ATRNL1: variants seen among roughly 807,000 people sequenced by gnomAD.
ATRNL1 encodes the protein attractin-like protein 1.
In ATRNL1, 95 loss-of-function variants were observed where a neutral mutation model predicts 182.7. The ratio of observed to expected loss-of-function variants is 0.52; its 90% CI spans 0.44 to 0.62. The LOEUF (loss-of-function observed/expected upper bound fraction) is 0.62, where lower values mean the gene tolerates loss of function less well. ATRNL1 is among the 20% of genes least tolerant of loss of function. The pLI, the probability that ATRNL1 is intolerant of heterozygous loss-of-function variation, is 0.00. For synonymous variants in ATRNL1, 576 were observed against 568.3 expected (o/e 1.01, Z -0.19); for missense variants, 1,471 against 1,679.5 (o/e 0.88, Z 2.17).
At chr10:115,280,222 C>T (rs1203452618) in intron 13 of ATRNL1, among the ~76,000 whole-genome samples, 1 of 152,106 alleles carries the variant, frequency 6.6e-6, no homozygotes, top group African/African-American at 2.4e-5. Flanking sequence ...AGATATTGCT[C>T]TTAGAACATC....
At chr10:115,520,258 A>C (rs534645421) in intron 25 of ATRNL1, among the ~76,000 whole-genome samples, 1 of 152,314 alleles carries the variant, frequency 6.6e-6, no homozygotes, top group African/African-American at 2.4e-5. Flanking sequence ...ATGTATTTGG[A>C]ACTTGTCTAA....
At chr10:115,869,043 A>G (rs1034506722) in intron 28 of ATRNL1, among the ~76,000 whole-genome samples, 13 of 151,420 alleles carry the variant, frequency 8.6e-5, no homozygotes, top group Admixed American at 6.6e-4. Flanking sequence ...GTTGGCCAGG[A>G]TTGTCTTGAT....
chr10:115,946,871 C>CA lies in ATRNL1; in HGVS notation c.*2097dup, dbSNP rs1441451693. The CA allele has an allele frequency of 6.6e-6, 1 of 152,074 alleles. No individual in the cohort carries two copies. Among genetic ancestry groups the CA allele is most frequent in the Non-Finnish European group, 1.5e-5 (1 of 67,990 alleles). The allele number at this position is 152,074 out of a possible 1,614,324, so 9.4% of individuals were successfully genotyped here. ...AAGAGAAAGCATAACAATAAAAATA[C>CA]AAAAACATACAGATTTAGATGTAAA... On this transcript the variant is annotated 3_prime_UTR_variant, in exon 29 of 29. Transcript: ENST00000355044.
At chr10:115,537,016 C>T (rs1852067850) in intron 25 of ATRNL1, among the ~76,000 whole-genome samples, 1 of 152,184 alleles carries the variant, frequency 6.6e-6, no homozygotes, top group Admixed American at 6.5e-5. Context: ...ATGGAAATGA[C>T]ACCTGAAGAT....
rs148403156 is a variant in ATRNL1, at chr10:115,778,030, G to A, written c.3903+50675G>A. ...AAGACAAAACACAATTGAATAAAGA[G>A]TAATGTTCAGGGGCCGGACTTTCTT... On this transcript the variant is annotated intron_variant, in intron 27 of 28. Coordinates refer to ENST00000355044, the MANE Select transcript of ATRNL1 (RefSeq NM_207303.4). 1.5e-4 allele frequency among the ~76,000 whole-genome samples: 23 copies of A among 152,270 alleles called. No homozygotes were observed. The East Asian group carries it at 4.0e-3, about 27-fold the overall frequency.
At chr10:115,705,082 G>A (rs1323802330) in intron 26 of ATRNL1, among the ~76,000 whole-genome samples, 1 of 151,858 alleles carries the variant, frequency 6.6e-6, no homozygotes, top group Non-Finnish European at 1.5e-5. Flanking sequence ...TGAAGACAGA[G>A]AATCTCAATG....
intron 15 of ATRNL1, among the ~76,000 whole-genome samples, chr10:115,297,430 A>G (rs1853252315): frequency 6.6e-6 from 1 of 152,002 alleles, no homozygotes; most frequent in African/African-American, 2.4e-5. Flanking sequence ...TCACAAGGTC[A>G]GGAGTTCGAG....
intron 20 of ATRNL1, among the ~76,000 whole-genome samples, chr10:115,423,216 C>T (rs567213554): frequency 6.6e-6 from 1 of 152,202 alleles, no homozygotes; most frequent in South Asian, 2.1e-4. Context: ...AATAAGCACA[C>T]TTACTATGTA....
intron 26 of ATRNL1, among the ~76,000 whole-genome samples, chr10:115,676,359 C>T (rs1555042993): frequency 6.6e-6 from 1 of 151,990 alleles, no homozygotes; most frequent in Non-Finnish European, 1.5e-5. Context: ...TAGAGAAGTA[C>T]ATGTTTATTC....
rs1184998044 is a variant in ATRNL1, at chr10:115,398,311, C to CT, written c.3269+3566dup. On this transcript the variant is annotated intron_variant, in intron 20 of 28. Transcript: ENST00000355044. ...TGCTGTAGTAATGACAGTTTTCAGT[C>CT]TTTTTTTGGCCCAAAACACAGCTGA... Among the ~76,000 whole-genome samples the CT allele has an allele frequency of 3.3e-5, 5 of 151,922 alleles. No individual in the cohort carries two copies. The East Asian group carries it at 7.7e-4, about 24-fold the overall frequency.
At chr10:115,833,803 A>G (rs1950609875) in intron 27 of ATRNL1, among the ~76,000 whole-genome samples, 1 of 152,198 alleles carries the variant, frequency 6.6e-6, no homozygotes, top group African/African-American at 2.4e-5. Flanking sequence ...TATCCAATAC[A>G]AACTGCCTAG....
chr10:115,227,502 A>G (rs1849748170), intron 9 of ATRNL1, among the ~76,000 whole-genome samples: 1 of 152,160 alleles, frequency 6.6e-6, no homozygotes, highest in Non-Finnish European at 1.5e-5. Flanking sequence ...ACTGTGGAAA[A>G]TAGTTTGGAG....
intron 25 of ATRNL1, among the ~76,000 whole-genome samples, chr10:115,524,763 A>G (rs1301646191): frequency 6.6e-6 from 1 of 152,188 alleles, no homozygotes; most frequent in Non-Finnish European, 1.5e-5. Flanking sequence ...ATCCATTGAC[A>G]TAGTGGGCAC....
chr10:115,577,647 TGTGTG>T (rs1565181257), intron 26 of ATRNL1, among the ~76,000 whole-genome samples: 1 of 149,208 alleles, frequency 6.7e-6, no homozygotes, highest in Non-Finnish European at 1.5e-5. Flanking sequence ...TGTGTGTGTG[TGTGTG>T]TAGCCTTATA....
At chr10:115,789,276 T>C (rs1306325834) in intron 27 of ATRNL1, among the ~76,000 whole-genome samples, 3 of 152,176 alleles carry the variant, frequency 2.0e-5, no homozygotes, top group African/African-American at 7.2e-5. Context: ...GCAAATTTGT[T>C]TTATCTGACA....
At chr10:115,139,567 G>A (rs1025998775) in intron 5 of ATRNL1, among the ~76,000 whole-genome samples, 3 of 152,272 alleles carry the variant, frequency 2.0e-5, no homozygotes, top group Admixed American at 6.5e-5. Flanking sequence ...TTGCTATCAC[G>A]AGAAGAGCAC....
At chr10:115,401,549 TAA>T (rs1468947499) in intron 20 of ATRNL1, among the ~76,000 whole-genome samples, 2 of 152,170 alleles carry the variant, frequency 1.3e-5, no homozygotes, top group Non-Finnish European at 2.9e-5. Flanking sequence ...ATCCTATTTA[TAA>T]GTGTAGTGCC....
chr10:115,882,277 T>G (rs1555108742), intron 28 of ATRNL1, among the ~76,000 whole-genome samples: 1 of 152,096 alleles, frequency 6.6e-6, no homozygotes, highest in Non-Finnish European at 1.5e-5. Flanking sequence ...CCCACACTAG[T>G]TAGGGGTGTG....
At chr10:115,876,883 C>T (rs1951712361) in intron 28 of ATRNL1, among the ~76,000 whole-genome samples, 1 of 152,070 alleles carries the variant, frequency 6.6e-6, no homozygotes, top group Non-Finnish European at 1.5e-5. Flanking sequence ...GGAAAGGAAA[C>T]ATTTTTTCTG....
Sources: allele counts gnomAD v4.1 joint callset (sites outside exome capture counted in the v4.1 genomes callset), GRCh38; gene constraint gnomAD v4.1.1; transcripts MANE v1.5; gene names NCBI Gene and HGNC (gene_info 2026-07-23, HGNC 2026-07-21).